TNS3: variants seen among roughly 807,000 people sequenced by gnomAD.
TNS3 encodes tensin 3, also known as tensin-3.
A neutral mutation model predicts 140.9 loss-of-function variants in TNS3; 45 were observed. That is an observed-to-expected ratio of 0.32 (90% confidence interval 0.25 to 0.41). The LOEUF is 0.41. Among genes scored for constraint, TNS3 ranks in the 10% least tolerant of loss-of-function variants. The pLI, the probability that TNS3 is intolerant of heterozygous loss-of-function variation, is 1.00. For missense variants in TNS3, 1,716 were observed against 1,906.7 expected, an observed-to-expected ratio of 0.90 and a Z score of 1.86; for synonymous variants, 815 against 788.4, an observed-to-expected ratio of 1.03 and a Z score of -0.56.
chr7:47,332,554 C>A (rs575858288), intron 20 of TNS3, among the ~76,000 whole-genome samples: 25 of 152,302 alleles, frequency 1.6e-4, no homozygotes, highest in Non-Finnish European at 2.6e-4. Flanking sequence ...GGGCCAGGAC[C>A]GCCTCCCTTC....
Position 47,369,161 on chromosome 7 carries a change from G to A in TNS3, c.1485C>T (p.Thr495=). 8 of 1,614,140 alleles carry A rather than the reference G, an allele frequency of 5.0e-6. No individual in the cohort carries two copies. Among genetic ancestry groups the A allele is most frequent in the Non-Finnish European group, 6.8e-6 (8 of 1,180,048 alleles). ...ACTGAGGCCCTTCCGAGGAGGACAG[G>A]GTCCCAAGGCTGTCCACACTGTGCA... ...HDLHSVDSLG[T]LSSSEGPQSA... is the part of the protein sequence containing the mutation. The change falls in exon 17 of 31, where the codon ACC becomes ACT. Residue 495 remains threonine, a synonymous_variant. Transcript: ENST00000311160.
chr7:47,493,841 A>T (rs1018523057), intron 3 of TNS3, among the ~76,000 whole-genome samples: 1 of 151,698 alleles, frequency 6.6e-6, no homozygotes, highest in Non-Finnish European at 1.5e-5. Flanking sequence ...AAAAAAAAAA[A>T]GCTGACAAGA....
intron 3 of TNS3, among the ~76,000 whole-genome samples, chr7:47,489,362 CTTGG>C (rs2151821178): frequency 6.6e-6 from 1 of 152,336 alleles, no homozygotes; most frequent in South Asian, 2.1e-4. Flanking sequence ...TTGGTCTTGG[CTTGG>C]TCTCGGCTCT....
chr7:47,475,223 G>A (rs576790205), intron 4 of TNS3, among the ~76,000 whole-genome samples: 10 of 152,376 alleles, frequency 6.6e-5, no homozygotes, highest in African/African-American at 2.2e-4. Context: ...GCTGAAATGT[G>A]AGCCCTGCAG....
chr7:47,452,129 T>C (rs1228073835), intron 4 of TNS3, among the ~76,000 whole-genome samples: 1 of 152,220 alleles, frequency 6.6e-6, no homozygotes, highest in Non-Finnish European at 1.5e-5. Context: ...ACTTATTCCA[T>C]CATCTTATTT....
chr7:47,465,518 A>C (rs1584719495), intron 4 of TNS3, among the ~76,000 whole-genome samples: 1 of 152,166 alleles, frequency 6.6e-6, no homozygotes, highest in African/African-American at 2.4e-5. Context: ...TCCAGTCACC[A>C]ACTTGTCCCC....
chr7:47,510,289 C>A (rs1584792087), intron 2 of TNS3, among the ~76,000 whole-genome samples: 1 of 152,168 alleles, frequency 6.6e-6, no homozygotes, highest in African/African-American at 2.4e-5. Flanking sequence ...AGAAGAACTT[C>A]GCACCAAAAT....
chr7:47,469,157 C>T (rs371604185), intron 4 of TNS3, among the ~76,000 whole-genome samples: 1 of 152,184 alleles, frequency 6.6e-6, no homozygotes, highest in African/African-American at 2.4e-5. Context: ...CTAAGAAATA[C>T]CCTTATCGAC....
chr7:47,429,406 C>G (rs996819691), intron 8 of TNS3, among the ~76,000 whole-genome samples: 1 of 151,836 alleles, frequency 6.6e-6, no homozygotes, highest in Admixed American at 6.6e-5. Flanking sequence ...CACGCTCTGT[C>G]CCCCAGGCTG....
At chr7:47,572,113 C>G (rs890049348) in intron 1 of TNS3, among the ~76,000 whole-genome samples, 7 of 152,328 alleles carry the variant, frequency 4.6e-5, no homozygotes, top group African/African-American at 1.4e-4. Flanking sequence ...AGACACCCGA[C>G]AAGCTGAGCT....
At chr7:47,460,081 C>T (rs542995830) in intron 4 of TNS3, among the ~76,000 whole-genome samples, 3 of 151,970 alleles carry the variant, frequency 2.0e-5, no homozygotes, top group South Asian at 2.1e-4. Flanking sequence ...TGCATGGTGG[C>T]GGGCTCCTGT....
At chr7:47,296,673 T>C (rs1419321800) in intron 24 of TNS3, among the ~76,000 whole-genome samples, 2 of 152,160 alleles carry the variant, frequency 1.3e-5, no homozygotes, top group Non-Finnish European at 2.9e-5. Context: ...CTCAACAGTA[T>C]GCTAGTTTTC....
At chr7:47,392,507 G>A (rs1381893786) in intron 16 of TNS3, among the ~76,000 whole-genome samples, 2 of 152,160 alleles carry the variant, frequency 1.3e-5, no homozygotes, top group African/African-American at 4.8e-5. Flanking sequence ...AGGGGCAGGG[G>A]TGGAAAAGAG....
At chr7:47,535,486 C>T (rs1461515700) in intron 1 of TNS3, among the ~76,000 whole-genome samples, 3 of 152,238 alleles carry the variant, frequency 2.0e-5, no homozygotes, top group African/African-American at 7.2e-5. Context: ...TGAGACCAGA[C>T]GGGATTAGAC....
At chr7:47,363,305 T>A (rs910495808) in intron 17 of TNS3, among the ~76,000 whole-genome samples, 23 of 152,110 alleles carry the variant, frequency 1.5e-4, no homozygotes, top group Middle Eastern at 3.4e-3. Context: ...ATCACCATCA[T>A]CATCACCATC....
At chr7:47,556,417 C>G (rs1169401393) in intron 1 of TNS3, among the ~76,000 whole-genome samples, 4 of 152,192 alleles carry the variant, frequency 2.6e-5, no homozygotes, top group African/African-American at 9.7e-5. Context: ...GGGGACAACT[C>G]TGCACCCCCA....
At chr7:47,535,818 C>G (rs563654094) in intron 1 of TNS3, among the ~76,000 whole-genome samples, 1 of 152,362 alleles carries the variant, frequency 6.6e-6, no homozygotes, top group South Asian at 2.1e-4. Context: ...TAGGTTCTCC[C>G]GGCTAAAGGT....
At chr7:47,460,320 G>A (rs529419104) in intron 4 of TNS3, among the ~76,000 whole-genome samples, 1 of 151,860 alleles carries the variant, frequency 6.6e-6, no homozygotes, top group African/African-American at 2.4e-5. Context: ...ACAAGCCAAT[G>A]AGAAAGCCCT....
chr7:47,358,037 A>G (rs1242183355), intron 17 of TNS3, among the ~76,000 whole-genome samples: 1 of 152,038 alleles, frequency 6.6e-6, no homozygotes, highest in Non-Finnish European at 1.5e-5. Context: ...TACCTCATCA[A>G]TGGGGCTTCT....
Sources: gnomAD v4.1 joint callset for allele counts (sites outside exome capture counted in the v4.1 genomes callset) on GRCh38, gnomAD v4.1.1 for gene constraint, MANE v1.5 for transcripts, NCBI Gene and HGNC (gene_info 2026-07-23, HGNC 2026-07-21) for gene names.